The following MFSD12 variants were observed in gnomAD, a reference collection of about 807,000 sequenced individuals.
The protein encoded by MFSD12 is major facilitator superfamily domain containing 12.
Under a neutral mutation model 51.2 loss-of-function variants are expected in MFSD12, and 67 were observed. The ratio of observed to expected loss-of-function variants is 1.31; its 90% CI spans 1.08 to 1.60. The LOEUF is 1.60. MFSD12 is among the 40% of genes most tolerant of loss of function. The pLI, the probability that MFSD12 is intolerant of heterozygous loss-of-function variation, is 0.00. For synonymous variants in MFSD12, 441 were observed against 316.7 expected (o/e 1.39, Z -4.17); for missense variants, 921 against 673.0 (o/e 1.37, Z -4.08).
chr19:3,539,498 G>C, downstream of MFSD12: 1 of 527,704 alleles, frequency 1.9e-6, no homozygotes, highest in Non-Finnish European at 3.4e-6. Context: ...CCGTCTCCAA[G>C]GACTGCAAAC....
Position 3,551,542 on chromosome 19 carries a change from G to A in MFSD12, c.299-348C>T, listed in dbSNP as rs555571623. 4.6e-5 allele frequency among the ~76,000 whole-genome samples: 7 copies of A among 152,170 alleles called. No individual in the cohort carries two copies. The highest frequency in any genetic ancestry group is 3.4e-3 in the Middle Eastern group (1 of 294). On this transcript the variant is annotated intron_variant, in intron 1 of 9. Transcript: ENST00000355415. The surrounding 1 kb of genome is among the most constrained non-coding windows in gnomAD (Gnocchi z 4.6). ...ACTATCAAGCCTCCCATAGGGCCTC[G>A]GGGAGCGGGAGGCCCAGGTGGGCCT...
chr19:3,546,005 G>A, intron 8 of MFSD12, 69 bp downstream of exon 8: 1 of 1,529,008 alleles, frequency 6.5e-7, no homozygotes, highest in Non-Finnish European at 9.0e-7. Context: ...GAACACTGCT[G>A]GACACACAGC....
At chr19:3,545,403 C>T (rs893797561) in intron 8 of MFSD12, among the ~76,000 whole-genome samples, 1 of 151,058 alleles carries the variant, frequency 6.6e-6, no homozygotes, top group East Asian at 1.9e-4. Context: ...CCCTCCCCTC[C>T]TCCCTCTACT....
rs762189436 is a variant in MFSD12 at position 3,544,949 on chromosome 19, G to A, written c.1290-10C>T. ...GCAGCAGAGCTCTGAGCTGTGGGAG[G>A]AGGCGGGGGATGAGTAGGCACCGCG... On this transcript the variant is annotated splice_polypyrimidine_tract_variant and intron_variant, in intron 8 of 9. Transcript: ENST00000355415. 8.1e-6 allele frequency: 13 copies of A among 1,600,920 alleles called. 1 individual carries two copies. In the South Asian group the frequency reaches 1.4e-4, roughly 18 times the overall value.
chr19:3,546,708 C>T (rs1239211376), intron 6 of MFSD12, among the ~76,000 whole-genome samples: 2 of 152,248 alleles, frequency 1.3e-5, no homozygotes, highest in Non-Finnish European at 2.9e-5. Flanking sequence ...TCAGTCCCCA[C>T]GGCCACATTT....
At chr19:3,545,306 C>T (rs541139017) in intron 8 of MFSD12, among the ~76,000 whole-genome samples, 1 of 152,346 alleles carries the variant, frequency 6.6e-6, no homozygotes, top group African/African-American at 2.4e-5. Context: ...TGTCCCTCTT[C>T]TGCCCACAGC....
chr19:3,541,626 C>A, downstream of MFSD12: 2 of 984,272 alleles, frequency 2.0e-6, no homozygotes, highest in South Asian at 4.7e-5. Flanking sequence ...CAGTGCAAGA[C>A]CCTATTTCTA....
exon 5 of MFSD12, chr19:3,538,508 T>C (rs2122056680): frequency 2.7e-6 from 1 of 367,816 alleles, no homozygotes; most frequent in East Asian, 7.4e-5. Context: ...TGGTCTGTCC[T>C]GGACATTTCA....
intron 2 of MFSD12, among the ~76,000 whole-genome samples, chr19:3,550,669 T>C (rs568431545): frequency 9.2e-5 from 14 of 152,142 alleles, no homozygotes; most frequent in Admixed American, 5.9e-4. Flanking sequence ...GGATTACAGG[T>C]GTGAGCCATG....
rs749005472 is a variant in MFSD12, at chr19:3,557,119, G to A, written c.285C>T (p.Ala95=). The A allele has an allele frequency of 3.3e-5, 49 of 1,496,202 alleles. No homozygotes were observed. The highest frequency in any genetic ancestry group is 4.6e-5 in the Admixed American group (2 of 43,574). The allele number at this position is 1,496,202 out of a possible 1,614,324, so 92.7% of individuals were successfully genotyped here. A position where few individuals can be genotyped will look rare whatever the true frequency, so the allele number is the denominator to read the frequency against. The change falls in exon 1 of 10, where the codon GCC becomes GCT. Residue 95 remains alanine (A), a synonymous_variant. Transcript: ENST00000355415. ...CGGGACGCTTACCGACCAGGTGCCA[G>A]GCCTTGCGCGGGCCGTAGCGGGCGC... ...SCCARYGPRK[A]WHLVGTVCVL...
chr19:3,544,116 C>A, downstream of MFSD12: 1 of 1,421,600 alleles, frequency 7.0e-7, no homozygotes, highest in Non-Finnish European at 9.3e-7. Flanking sequence ...ACTGGGCTCG[C>A]TGGCCGCCCA....
chr19:3,543,006 TGGGTGCTTG>T, downstream of MFSD12: 1 of 1,600,034 alleles, frequency 6.2e-7, no homozygotes, highest in Non-Finnish European at 8.5e-7. Flanking sequence ...AGTGCTGACT[TGGGTGCTTG>T]GGGTGCGATG....
chr19:3,548,089 G>T, intron 3 of MFSD12, 34 bp downstream of exon 3: 1 of 1,602,750 alleles, frequency 6.2e-7, no homozygotes, highest in Non-Finnish European at 8.5e-7. Flanking sequence ...CCTGGCTCGA[G>T]GACTTCAGGC....
chr19:3,542,118 G>A (rs1170712245), downstream of MFSD12: 2 of 985,318 alleles, frequency 2.0e-6, no homozygotes. Flanking sequence ...ACAATTTTGT[G>A]CTGTTTTAAT....
At chr19:3,547,241 C>T (rs1180308589) in intron 6 of MFSD12, 31 bp downstream of exon 6, 3 of 1,592,002 alleles carry the variant, frequency 1.9e-6, no homozygotes, top group Admixed American at 3.3e-5. Flanking sequence ...CCATCCTCCG[C>T]CCCAGCTGTC....
In MFSD12 at chr19:3,547,527, G is replaced by A. The variant is rs755280842; in HGVS notation, c.858C>T (p.Thr286=). 6 of 1,612,088 alleles carry A rather than the reference G, an allele frequency of 3.7e-6. No homozygotes were observed. Among genetic ancestry groups the A allele is most frequent in the South Asian group, 3.3e-5 (3 of 90,888 alleles). The change falls in exon 5 of 10, where the codon ACC becomes ACT. Residue 286 remains threonine, a synonymous_variant. Transcript: ENST00000355415. ...GGGACAGGTTCACGATGAGCCTGGTGGTCATGTACAGTATGCCCACCTGTG... is the reference window on the plus strand; with the variant it reads ...GGGACAGGTTCACGATGAGCCTGGTAGTCATGTACAGTATGCCCACCTGTG... The part of the protein sequence containing the change: ...AFYQVGILYM[T]TRLIVNLSQT...
downstream of MFSD12, among the ~76,000 whole-genome samples, chr19:3,540,305 T>C (rs553020262): frequency 1.3e-5 from 2 of 151,572 alleles, no homozygotes; most frequent in East Asian, 3.9e-4. Flanking sequence ...GTCGCAAGAC[T>C]GGAACGCAAT....
Position 3,544,809 on chromosome 19 carries a change from AGC to A in MFSD12, c.1418_1419del (p.Arg473LeufsTer4). The A allele has an allele frequency of 6.2e-7, 1 of 1,612,126 alleles. No homozygotes were observed. The highest frequency in any genetic ancestry group is 1.1e-5 in the South Asian group (1 of 90,926). On this transcript the variant is annotated frameshift_variant and splice_region_variant, in exon 9 of 10. Coordinates refer to ENST00000355415, the MANE Select transcript of MFSD12 (RefSeq NM_174983.5). LOFTEE classifies it high-confidence loss of function. ...GAGGGAGGGGTGGGCCAGGACTCAC[AGC>A]GTCGCAGGCGGGTCGGCCACAGCAG... ...SLLLWPTRLR[R>X]WDRDARP
At chr19:3,539,713 A>G (rs189202912), downstream of MFSD12, 548 of 167,874 alleles carry the variant, frequency 3.3e-3, 3 homozygotes, top group Non-Finnish European at 5.4e-3. Flanking sequence ...CCCTCTCCTT[A>G]TAAGGGTGCC....
Sources: gnomAD v4.1 joint callset for allele counts (sites outside exome capture counted in the v4.1 genomes callset) on GRCh38, gnomAD v4.1.1 for gene constraint, Gnocchi (gnomAD v3.1) non-coding constraint, MANE v1.5 for transcripts, NCBI Gene and HGNC (gene_info 2026-07-23, HGNC 2026-07-21) for gene names.